The following PCBP3 variants were observed in gnomAD, a reference collection of about 807,000 sequenced individuals.
PCBP3 encodes poly(rC) binding protein 3.
PCBP3 carries 25 observed loss-of-function variants against 52.7 expected under a neutral mutation model. The observed-to-expected ratio is 0.47, with a 90% CI of 0.35 to 0.66. The LOEUF (loss-of-function observed/expected upper bound fraction) is 0.66. Ranked by LOEUF, PCBP3 falls within the 30% of genes least tolerant of loss-of-function variation. The pLI, the probability that PCBP3 is intolerant of heterozygous loss-of-function variation, is 0.01. For synonymous variants in PCBP3, 162 were observed against 183.0 expected (o/e 0.89, Z 0.93); for missense variants, 391 against 490.3 (o/e 0.80, Z 1.91).
chr21:45,803,133 C>T (rs865883590), intron 4 of PCBP3, among the ~76,000 whole-genome samples: 1 of 152,208 alleles, frequency 6.6e-6, no homozygotes, highest in Non-Finnish European at 1.5e-5. Flanking sequence ...GCCTGGTGTG[C>T]CTGCAGCTGT....
intron 2 of PCBP3, among the ~76,000 whole-genome samples, chr21:45,694,481 C>T (rs192311209): frequency 6.6e-6 from 1 of 152,060 alleles, no homozygotes; most frequent in East Asian, 1.9e-4. Flanking sequence ...AAAAGAAGGT[C>T]ATTGCATAAT....
intron 17 of PCBP3, 97 bp downstream of exon 17, chr21:45,940,296 G>C (rs565468060): frequency 9.6e-7 from 1 of 1,036,912 alleles, no homozygotes; most frequent in Admixed American, 2.3e-5. Context: ...AGGAGGCACA[G>C]TCTGGGCCAC....
At position 45,651,019 on chromosome 21, in the gene PCBP3, A is replaced by G. The variant is rs145711955; in HGVS notation, c.-279+7151A>G. Among the ~76,000 whole-genome samples the G allele has an allele frequency of 1.0e-3, 153 of 152,336 alleles. 1 individual carries two copies. The highest frequency in any genetic ancestry group is 3.5e-3 in the Admixed American group (53 of 15,290). ...AATAATCTTGAGTGAGCGTGGGAAC[A>G]GATTCTTCCCGTCAAGGCTTCAGGT... On this transcript the variant is annotated intron_variant, in intron 1 of 17. Transcript: ENST00000681687.
At chr21:45,771,087 T>C (rs1440570432) in intron 4 of PCBP3, among the ~76,000 whole-genome samples, 2 of 152,268 alleles carry the variant, frequency 1.3e-5, no homozygotes, top group Non-Finnish European at 2.9e-5. Flanking sequence ...CCGGAAGGCC[T>C]GCTCTTCCTT....
chr21:45,707,911 C>T lies in PCBP3; in HGVS notation c.-199-27481C>T, dbSNP rs142614317. Among the ~76,000 whole-genome samples the T allele has an allele frequency of 9.2e-5, 14 of 152,302 alleles. No homozygotes were observed. In the East Asian group the frequency reaches 1.9e-3, roughly 21 times the overall value. On this transcript the variant is annotated intron_variant, in intron 2 of 17. Coordinates refer to ENST00000681687, the MANE Select transcript of PCBP3 (RefSeq NM_001384156.1). ...AGCACCCCAGGTGTCATCTTGACTGCACATGTAGCCCCAGGAAGCTGGTCT... is the reference window on the plus strand; with the variant it reads ...AGCACCCCAGGTGTCATCTTGACTGTACATGTAGCCCCAGGAAGCTGGTCT...
chr21:45,753,652 T>A (rs2087754006), intron 3 of PCBP3, among the ~76,000 whole-genome samples: 1 of 152,200 alleles, frequency 6.6e-6, no homozygotes, highest in Non-Finnish European at 1.5e-5. Context: ...GATTGACAGA[T>A]GACTGTTTTA....
intron 4 of PCBP3, among the ~76,000 whole-genome samples, chr21:45,784,373 TCTACCTCTACCTCTACCTCTACCG>T (rs879817884): frequency 6.1e-4 from 90 of 148,442 alleles, no homozygotes; most frequent in South Asian, 1.5e-3. Flanking sequence ...TACCTCTACC[TCTACCTCTACCTCTACCTCTACCG>T]CTACCTCTAC....
chr21:45,897,751 CTCCTGGGCTGCTGTGGG>C (rs1245452426), intron 6 of PCBP3, among the ~76,000 whole-genome samples: 7 of 152,144 alleles, frequency 4.6e-5, no homozygotes, highest in African/African-American at 7.2e-5. Context: ...ATGCATGGTG[CTCCTGGGCTGCTGTGGG>C]TCCTGGGCTG....
chr21:45,926,452 C>G (rs1314979610), intron 13 of PCBP3, among the ~76,000 whole-genome samples: 1 of 152,182 alleles, frequency 6.6e-6, no homozygotes, highest in African/African-American at 2.4e-5. Flanking sequence ...CAGGCAGGTC[C>G]CGCAGGAGGT....
chr21:45,921,138 T>A (rs1172873123), intron 13 of PCBP3, among the ~76,000 whole-genome samples: 3 of 152,234 alleles, frequency 2.0e-5, no homozygotes, highest in African/African-American at 4.8e-5. Flanking sequence ...TAGGTAACAA[T>A]AGTCAGGAAG....
intron 11 of PCBP3, among the ~76,000 whole-genome samples, chr21:45,912,902 C>T (rs1412821330): frequency 2.0e-5 from 3 of 152,098 alleles, no homozygotes; most frequent in African/African-American, 4.8e-5. Context: ...AGGGCCCTGG[C>T]GCTGCGGATC....
intron 4 of PCBP3, among the ~76,000 whole-genome samples, chr21:45,794,140 C>A (rs1173388916): frequency 6.6e-6 from 1 of 151,910 alleles, no homozygotes; most frequent in African/African-American, 2.4e-5. Context: ...GGGTTTTTTT[C>A]AGGGGAAATT....
At chr21:45,844,208 G>C (rs190631939) in intron 4 of PCBP3, among the ~76,000 whole-genome samples, 1 of 151,936 alleles carries the variant, frequency 6.6e-6, no homozygotes, top group African/African-American at 2.4e-5. Flanking sequence ...CCTTTGAGCC[G>C]GACGATTGAC....
intron 4 of PCBP3, among the ~76,000 whole-genome samples, chr21:45,841,951 T>C (rs1293363718): frequency 6.6e-6 from 1 of 152,254 alleles, no homozygotes; most frequent in Non-Finnish European, 1.5e-5. Context: ...CTGAGCTGTT[T>C]GTTGCCTTCA....
intron 4 of PCBP3, among the ~76,000 whole-genome samples, chr21:45,813,417 A>G (rs1329423047): frequency 1.3e-5 from 2 of 152,072 alleles, no homozygotes; most frequent in Non-Finnish European, 2.9e-5. Context: ...GAGTTCACTC[A>G]TTATGTTCAG....
At chr21:45,814,116 G>A (rs948248900) in intron 4 of PCBP3, among the ~76,000 whole-genome samples, 1 of 152,256 alleles carries the variant, frequency 6.6e-6, no homozygotes, top group Non-Finnish European at 1.5e-5. Context: ...AATACTGTAC[G>A]CAGTTGTGAC....
intron 4 of PCBP3, among the ~76,000 whole-genome samples, chr21:45,810,890 C>T (rs4819151): frequency 0.19 from 28,816 of 152,080 alleles, 2,910 homozygotes; most frequent in Middle Eastern, 0.33. Flanking sequence ...ATTTTGGAAG[C>T]TGTAGTTTTA....
intron 2 of PCBP3, among the ~76,000 whole-genome samples, chr21:45,700,189 C>T (rs1287546237): frequency 6.6e-6 from 1 of 152,214 alleles, no homozygotes; most frequent in African/African-American, 2.4e-5. Context: ...AGATCTAAAC[C>T]AGATGATTTC....
intron 2 of PCBP3, among the ~76,000 whole-genome samples, chr21:45,687,366 G>A (rs963128484): frequency 6.6e-6 from 1 of 152,134 alleles, no homozygotes; most frequent in Non-Finnish European, 1.5e-5. Context: ...AAATGATATA[G>A]GTGAGCATCT....
Sources: gnomAD v4.1 joint callset for allele counts (sites outside exome capture counted in the v4.1 genomes callset) on GRCh38, gnomAD v4.1.1 for gene constraint, MANE v1.5 for transcripts, NCBI Gene and HGNC (gene_info 2026-07-23, HGNC 2026-07-21) for gene names.